The following PHF24 variants were observed in gnomAD, a reference collection of about 807,000 sequenced individuals.
PHF24 encodes the protein Galpha inhibitory interacting protein.
Under a neutral mutation model 42.6 loss-of-function variants are expected in PHF24, and 25 were observed. The observed-to-expected ratio is 0.59, with a 90% CI of 0.43 to 0.82. The LOEUF is 0.82. Among genes scored for constraint, PHF24 ranks in the 40% least tolerant of loss-of-function variants. PHF24 has a pLI of 0.00. For missense variants in PHF24, 470 were observed against 538.1 expected (o/e 0.87, Z 1.25); for synonymous variants, 185 against 204.8 (o/e 0.90, Z 0.83).
At chr9:34,788,633 C>A in the PHF24 span, among the ~76,000 whole-genome samples, 1 of 152,196 alleles carries the variant, frequency 6.6e-6, no homozygotes, top group Admixed American at 6.5e-5. Flanking sequence ...AGCACCCACA[C>A]AAACTTCCCC....
the PHF24 span, among the ~76,000 whole-genome samples, chr9:34,801,346 T>G: frequency 1.3e-5 from 2 of 152,212 alleles, no homozygotes; most frequent in African/African-American, 2.4e-5. Flanking sequence ...CATGCACATG[T>G]ATGTTTATTG....
the PHF24 span, among the ~76,000 whole-genome samples, chr9:34,849,472 T>A: frequency 5.9e-5 from 9 of 151,828 alleles, no homozygotes. Flanking sequence ...TCCTCCATCC[T>A]TTTATTTTGA....
the PHF24 span, among the ~76,000 whole-genome samples, chr9:34,717,485 G>A: frequency 6.6e-6 from 1 of 152,126 alleles, no homozygotes; most frequent in Admixed American, 6.5e-5. Context: ...GCAGTAAATT[G>A]GGGGCCCTCA....
At chr9:34,976,913 G>T (rs899441613) in intron 5 of PHF24, among the ~76,000 whole-genome samples, 170 bp from the exon 6 acceptor site, 6 of 152,200 alleles carry the variant, frequency 3.9e-5, no homozygotes, top group African/African-American at 1.4e-4. Context: ...AGGAAACTGC[G>T]TGAGGAAGAC....
chr9:34,731,559 G>T, the PHF24 span, among the ~76,000 whole-genome samples: 12 of 151,440 alleles, frequency 7.9e-5, no homozygotes, highest in African/African-American at 2.7e-4. Flanking sequence ...AAATTATTTT[G>T]CCATGCCTGG....
the PHF24 span, among the ~76,000 whole-genome samples, chr9:34,787,340 A>G: frequency 6.6e-6 from 1 of 151,964 alleles, no homozygotes; most frequent in African/African-American, 2.4e-5. Context: ...AAAAAAAAAG[A>G]TTCATAAACC....
chr9:34,934,111 A>G, the PHF24 span, among the ~76,000 whole-genome samples: 2 of 152,170 alleles, frequency 1.3e-5, no homozygotes, highest in African/African-American at 4.8e-5. Flanking sequence ...GAGTAAGACA[A>G]TGTCCAAGTT....
chr9:34,838,424 C>T, the PHF24 span: 33 of 1,295,720 alleles, frequency 2.5e-5, no homozygotes, highest in African/African-American at 5.9e-5. Flanking sequence ...ATTACAATAA[C>T]GATGAAGATG....
At chr9:34,667,800 A>T in the PHF24 span, among the ~76,000 whole-genome samples, 1 of 152,124 alleles carries the variant, frequency 6.6e-6, no homozygotes, top group African/African-American at 2.4e-5. Flanking sequence ...AGTCAGAGAG[A>T]ATGGAGCCAT....
chr9:34,935,051 A>T, the PHF24 span, among the ~76,000 whole-genome samples: 15 of 152,216 alleles, frequency 9.9e-5, no homozygotes, highest in South Asian at 6.2e-4. Flanking sequence ...GAGAAATATA[A>T]GAAAAAGCAG....
the PHF24 span, among the ~76,000 whole-genome samples, chr9:34,746,216 T>A: frequency 6.6e-6 from 1 of 152,196 alleles, no homozygotes; most frequent in African/African-American, 2.4e-5. Context: ...AAGTATGAAC[T>A]GGAAATAGAT....
intron 1 of PHF24, among the ~76,000 whole-genome samples, chr9:34,960,560 A>G (rs1003218778): frequency 6.6e-6 from 1 of 152,200 alleles, no homozygotes; most frequent in Non-Finnish European, 1.5e-5. Flanking sequence ...ATATTTAAAG[A>G]AAGTCAGAAG....
At chr9:34,770,781 A>G in the PHF24 span, among the ~76,000 whole-genome samples, 19 of 152,128 alleles carry the variant, frequency 1.2e-4, no homozygotes, top group African/African-American at 4.6e-4. Flanking sequence ...GCAAAAAAAA[A>G]TTAAAGTCTC....
At chr9:34,733,883 T>C in the PHF24 span, among the ~76,000 whole-genome samples, 5 of 152,320 alleles carry the variant, frequency 3.3e-5, no homozygotes, top group East Asian at 7.7e-4. Context: ...CTTCAGGTAC[T>C]CATGGTTTCA....
the PHF24 span, chr9:34,724,286 G>A: frequency 1.1e-5 from 17 of 1,551,370 alleles, no homozygotes; most frequent in East Asian, 3.2e-4. Flanking sequence ...AGAACCCTGG[G>A]GTACAGCTTT....
the PHF24 span, among the ~76,000 whole-genome samples, chr9:34,898,940 A>C: frequency 1.3e-5 from 2 of 152,280 alleles, no homozygotes; most frequent in African/African-American, 4.8e-5. Flanking sequence ...TCTGCCTCAG[A>C]GCTGAGGAAT....
the PHF24 span, chr9:34,689,654 GCTCACACTCACA>G: frequency 6.5e-4 from 485 of 747,182 alleles, 1 homozygote; most frequent in Non-Finnish European, 9.9e-4. This position sits in a 1 kb window ranked among gnomAD's most constrained non-coding sequence, Gnocchi z 4.1. Flanking sequence ...TCACCCTCTC[GCTCACACTCACA>G]CTCACACACA....
the PHF24 span, among the ~76,000 whole-genome samples, chr9:34,952,570 AAAG>A: frequency 6.6e-6 from 1 of 152,220 alleles, no homozygotes; most frequent in Non-Finnish European, 1.5e-5. Context: ...TTATTTCAAA[AAAG>A]AAGAACAAAG....
At chr9:34,922,268 C>T in the PHF24 span, 11 of 1,591,896 alleles carry the variant, frequency 6.9e-6, no homozygotes, top group South Asian at 1.2e-4. Flanking sequence ...TCAGTAATTG[C>T]ATTATTAGTG....
Sources: gnomAD v4.1 joint callset for allele counts (sites outside exome capture counted in the v4.1 genomes callset) on GRCh38, gnomAD v4.1.1 for gene constraint, Gnocchi (gnomAD v3.1) non-coding constraint, MANE v1.5 for transcripts, NCBI Gene and HGNC (gene_info 2026-07-23, HGNC 2026-07-21) for gene names.